Variants in PISD observed in about 807,000 individuals in gnomAD.
PISD encodes phosphatidylserine decarboxylase.
PISD carries 31 observed loss-of-function variants against 43.5 expected under a neutral mutation model. That is an observed-to-expected ratio of 0.71 (90% CI 0.54 to 0.96). PISD has a LOEUF of 0.96. Among genes scored for constraint, PISD ranks in the 40% least tolerant of loss-of-function variants. The pLI is 0.00. For synonymous variants in PISD, 259 were observed against 228.7 expected, an observed-to-expected ratio of 1.13 and a Z score of -1.20; for missense variants, 523 against 548.4, an observed-to-expected ratio of 0.95 and a Z score of 0.46.
In PISD at chr22:31,655,111, G is replaced by A. The variant is rs984706992; in HGVS notation, c.66-4333C>T. On this transcript the variant is annotated intron_variant, in intron 1 of 7. Coordinates refer to ENST00000439502, the MANE Select transcript of PISD (RefSeq NM_001326411.2). ...AAAAAAAAAAAAAAAGACGGCAGGA[G>A]ACTGGGTCCCTGAACATTGCTTGGA... 1.0e-4 allele frequency among the ~76,000 whole-genome samples: 15 copies of A among 147,714 alleles called. No individual in the cohort carries two copies. The East Asian group carries it at 2.8e-3, about 27-fold the overall frequency.
rs887187279 is a variant in PISD, at chr22:31,618,538, A to G, written c.*1074T>C. The G allele has an allele frequency of 9.5e-6, 10 of 1,052,562 alleles. No homozygotes were observed. The African/African-American group carries it at 1.1e-4, about 12-fold the overall frequency. 65.2% of individuals were successfully genotyped at this position (1,052,562 alleles called of 1,614,324 possible). ...TTCAAAATGCTTTGCAATTAAATGA[A>G]TTACTGTTCAGAAGTCTCCCACTTT... On this transcript the variant is annotated 3_prime_UTR_variant, in exon 8 of 8. Transcript: ENST00000439502.
At chr22:31,661,229 T>C (rs191029815) in intron 1 of PISD, among the ~76,000 whole-genome samples, 64 of 152,276 alleles carry the variant, frequency 4.2e-4, no homozygotes, top group African/African-American at 1.5e-3. Flanking sequence ...ATGGTTTCTG[T>C]TCCCTCTCAG....
chr22:31,624,207 C>A (rs1326710218), intron 3 of PISD, among the ~76,000 whole-genome samples: 1 of 152,204 alleles, frequency 6.6e-6, no homozygotes, highest in African/African-American at 2.4e-5. Flanking sequence ...GGCCCAAGCA[C>A]CTGGGCCCAG....
rs202137922 is a variant in PISD at position 31,621,730 on chromosome 22, C to T, written c.477G>A (p.Leu159=). 8 of 1,614,142 alleles carry T rather than the reference C, an allele frequency of 5.0e-6. No homozygotes were observed. The Admixed American group carries it at 8.3e-5, about 17-fold the overall frequency. ...VNMKEAAVED[L]HHYRNLSEFF... is the part of the protein sequence containing the mutation. ...ACTCGCTGAGGTTGCGGTAGTGATG[C>T]AGGTCCTCCACAGCGGCCTCTTTCA... Residue 159 remains leucine (L), a synonymous_variant, in exon 4 of 8, where the codon CTG becomes CTA. Transcript: ENST00000439502.
intron 3 of PISD, among the ~76,000 whole-genome samples, chr22:31,634,489 C>A (rs1207932113): frequency 6.6e-6 from 1 of 152,230 alleles, no homozygotes; most frequent in Non-Finnish European, 1.5e-5. Flanking sequence ...ACCAGCAGCT[C>A]CCCAAGGGCC....
chr22:31,642,163 T>G (rs774104181), intron 3 of PISD, among the ~76,000 whole-genome samples: 2 of 151,190 alleles, frequency 1.3e-5, no homozygotes, highest in Non-Finnish European at 2.9e-5. Context: ...CTGTCACCAC[T>G]GAGGAAGAGC....
chr22:31,642,474 C>A (rs947896449), intron 3 of PISD, among the ~76,000 whole-genome samples: 3 of 150,392 alleles, frequency 2.0e-5, no homozygotes, highest in Non-Finnish European at 4.4e-5. Flanking sequence ...AAACAAAAAA[C>A]AAACAAACAG....
At chr22:31,639,139 A>G (rs1054052586) in intron 3 of PISD, among the ~76,000 whole-genome samples, 16 of 143,370 alleles carry the variant, frequency 1.1e-4, no homozygotes, top group Non-Finnish European at 9.1e-5. Context: ...GACCACAGGC[A>G]CACACACCAC....
chr22:31,658,385 A>C (rs2074234594), intron 1 of PISD, among the ~76,000 whole-genome samples: 1 of 152,176 alleles, frequency 6.6e-6, no homozygotes, highest in South Asian at 2.1e-4. Flanking sequence ...TCATTAGAAG[A>C]CAATCATGCA....
chr22:31,624,645 G>A, intron 3 of PISD, among the ~76,000 whole-genome samples: 1 of 131,022 alleles, frequency 7.6e-6, no homozygotes, highest in African/African-American at 3.0e-5. Flanking sequence ...TGCTGGGGCT[G>A]CACAGACAGA....
chr22:31,620,495 G>C (rs2072489726), intron 7 of PISD, 58 bp downstream of exon 7: 1 of 1,555,932 alleles, frequency 6.4e-7, no homozygotes, highest in African/African-American at 1.4e-5. Context: ...AGCAGACAAG[G>C]CAGGTAGACC....
Position 31,662,002 on chromosome 22 carries a change from T to C in PISD, c.65+142A>G, listed in dbSNP as rs1227795833. The C allele has an allele frequency of 6.8e-6, 5 of 730,304 alleles. No homozygotes were observed. In the African/African-American group the frequency reaches 6.9e-5, roughly 10 times the overall value. 45.2% of individuals were successfully genotyped at this position (730,304 alleles called of 1,614,324 possible). A position where few individuals can be genotyped will look rare whatever the true frequency, so the allele number is the denominator to read the frequency against. On this transcript the variant is annotated intron_variant, in intron 1 of 7. Coordinates refer to ENST00000439502, the MANE Select transcript of PISD (RefSeq NM_001326411.2). ...CCTACGCAGGAGCAGTCGCACCTGC[T>C]CCTAAGCTCGAGGTGAAGGTGGCTC... is the stretch of plus-strand genomic sequence containing the variant.
chr22:31,651,319 C>T (rs1001070561), intron 1 of PISD, among the ~76,000 whole-genome samples: 12 of 152,022 alleles, frequency 7.9e-5, no homozygotes, highest in Admixed American at 3.9e-4. Context: ...TCTCAAGTGT[C>T]TCAGGAAAAG....
At chr22:31,660,892 C>T (rs1350800605) in intron 1 of PISD, among the ~76,000 whole-genome samples, 2 of 152,072 alleles carry the variant, frequency 1.3e-5, no homozygotes, top group African/African-American at 2.4e-5. Context: ...TGCCACCATG[C>T]CCGGCTAATT....
chr22:31,625,795 C>G (rs529155691), intron 3 of PISD: 1 of 1,599,576 alleles, frequency 6.3e-7, no homozygotes, highest in Non-Finnish European at 8.5e-7. Flanking sequence ...GTCCTTGCCG[C>G]GCCTCTGACT....
rs1378881314 is a variant in PISD, at chr22:31,635,302, G to C, written c.321+12799C>G. Among the ~76,000 whole-genome samples the C allele has an allele frequency of 3.3e-5, 5 of 152,258 alleles. No individual in the cohort carries two copies. In the South Asian group the frequency reaches 6.2e-4, roughly 19 times the overall value. On this transcript the variant is annotated intron_variant, in intron 3 of 7. Transcript: ENST00000439502. ...CCCAGAAGTTTAGCCTTGTGTTTAAGTTCCATGTCTTTTTTTTGGAGACAG... is the reference window on the plus strand; with the variant it reads ...CCCAGAAGTTTAGCCTTGTGTTTAACTTCCATGTCTTTTTTTTGGAGACAG...
intron 3 of PISD, among the ~76,000 whole-genome samples, chr22:31,636,519 C>A (rs997564839): frequency 6.6e-6 from 1 of 152,054 alleles, no homozygotes; most frequent in Non-Finnish European, 1.5e-5. Flanking sequence ...CCCGCCACCA[C>A]GCCCAGCTAA....
intron 3 of PISD, among the ~76,000 whole-genome samples, chr22:31,636,690 C>T (rs1016700257): frequency 5.9e-5 from 9 of 152,206 alleles, no homozygotes; most frequent in African/African-American, 1.4e-4. Flanking sequence ...CAGGCGCCCG[C>T]CACCACGCCC....
intron 1 of PISD, among the ~76,000 whole-genome samples, chr22:31,661,392 T>TACA (rs16682): frequency 0.2 from 29,915 of 152,014 alleles, 3,842 homozygotes; most frequent in African/African-American, 0.37. Flanking sequence ...GAATCACAGC[T>TACA]ACATTTTAAT....
Sources: gnomAD v4.1 joint callset for allele counts (sites outside exome capture counted in the v4.1 genomes callset) on GRCh38, gnomAD v4.1.1 for gene constraint, MANE v1.5 for transcripts, NCBI Gene and HGNC (gene_info 2026-07-23, HGNC 2026-07-21) for gene names.